The following ELAPOR2 variants were observed in gnomAD, a reference collection of about 807,000 sequenced individuals.
ELAPOR2 encodes the protein endosome/lysosome-associated apoptosis and autophagy regulator family member 2.
In ELAPOR2, 89 loss-of-function variants were observed where a neutral mutation model predicts 120.7. That is an observed-to-expected ratio of 0.74 (90% CI 0.62 to 0.88). ELAPOR2 has a LOEUF of 0.88. Among genes scored for constraint, ELAPOR2 ranks in the 40% least tolerant of loss-of-function variants. ELAPOR2 has a pLI of 0.00. For synonymous variants in ELAPOR2, 444 were observed against 444.9 expected (o/e 1.00, Z 0.03); for missense variants, 1,134 against 1,251.6 (o/e 0.91, Z 1.42).
chr7:87,038,251 T>C (rs1794649878), intron 1 of ELAPOR2, among the ~76,000 whole-genome samples: 1 of 152,212 alleles, frequency 6.6e-6, no homozygotes, highest in Non-Finnish European at 1.5e-5. Context: ...GTACCAAACA[T>C]TCTTTTTGGA....
intron 21 of ELAPOR2, among the ~76,000 whole-genome samples, chr7:86,884,302 C>T (rs1323414854): frequency 6.6e-6 from 1 of 152,118 alleles, no homozygotes; most frequent in Non-Finnish European, 1.5e-5. Context: ...CAACAGTGCC[C>T]TGGATGCTTT....
chr7:87,028,139 C>T (rs1794304516), intron 1 of ELAPOR2, among the ~76,000 whole-genome samples: 1 of 152,148 alleles, frequency 6.6e-6, no homozygotes, highest in African/African-American at 2.4e-5. Context: ...CACTTTTCAT[C>T]CCTGACTAGC....
At chr7:86,969,584 A>T (rs949703322) in intron 1 of ELAPOR2, among the ~76,000 whole-genome samples, 2 of 152,128 alleles carry the variant, frequency 1.3e-5, no homozygotes, top group African/African-American at 4.8e-5. Flanking sequence ...TAGTCCCTGT[A>T]CTCAATAAGC....
At chr7:86,947,983 T>C (rs1584384308) in intron 2 of ELAPOR2, 61 bp from the exon 3 acceptor site, 1 of 1,125,842 alleles carries the variant, frequency 8.9e-7, no homozygotes, top group Non-Finnish European at 1.3e-6. Flanking sequence ...CTCCCCTTCA[T>C]GCTGTCACCA....
rs542466305 is a variant in ELAPOR2, at chr7:87,037,566, T to C, written c.189+21759A>G. On this transcript the variant is annotated intron_variant, in intron 1 of 21. Coordinates refer to ENST00000450689, the MANE Select transcript of ELAPOR2 (RefSeq NM_001142749.3). ...CATGTGTTTAGTTCTGTTAGTTATT[T>C]TCTCCCCGTGAGAGAGGCAAGAGTC... Among the ~76,000 whole-genome samples the C allele has an allele frequency of 1.6e-4, 25 of 152,338 alleles. No individual in the cohort carries two copies. In the South Asian group the frequency reaches 2.9e-3, roughly 18 times the overall value.
At chr7:87,049,528 A>G (rs1214913910) in intron 1 of ELAPOR2, among the ~76,000 whole-genome samples, 2 of 152,050 alleles carry the variant, frequency 1.3e-5, no homozygotes, top group Admixed American at 1.3e-4. Flanking sequence ...GTGATCCGCC[A>G]GCCTCGGCCT....
In ELAPOR2 at chr7:86,912,883, T is replaced by C. The variant is rs1584341409; in HGVS notation, c.1995+58A>G. Reference sequence around the variant, plus strand: ...CCAGAGAAACATTAAGGAGAACGCTTGAATTTCTCTATTAAAATGTGCTTT... The same window carrying C: ...CCAGAGAAACATTAAGGAGAACGCTCGAATTTCTCTATTAAAATGTGCTTT... On this transcript the variant is annotated intron_variant, in intron 14 of 21. Transcript: ENST00000450689. 13 of 1,575,980 alleles carry C rather than the reference T, an allele frequency of 8.2e-6. No individual in the cohort carries two copies. In the East Asian group the frequency reaches 2.9e-4, roughly 36 times the overall value.
At chr7:86,888,351 T>A (rs570883167) in intron 21 of ELAPOR2, among the ~76,000 whole-genome samples, 93 of 152,146 alleles carry the variant, frequency 6.1e-4, no homozygotes, top group African/African-American at 2.2e-3. Flanking sequence ...AACAACACAG[T>A]CTGATAATGG....
At chr7:86,957,871 ATTTAT>A (rs1003050935) in intron 2 of ELAPOR2, among the ~76,000 whole-genome samples, 2 of 152,164 alleles carry the variant, frequency 1.3e-5, no homozygotes, top group African/African-American at 4.8e-5. Context: ...TCTCTAAAAA[ATTTAT>A]TTTATTTTTA....
chr7:86,989,779 G>C (rs974296282), intron 1 of ELAPOR2, among the ~76,000 whole-genome samples: 5 of 151,670 alleles, frequency 3.3e-5, no homozygotes, highest in South Asian at 2.1e-4. Flanking sequence ...ATATAATAAA[G>C]ATACAAATTT....
chr7:86,942,226 T>G (rs1037008685), intron 4 of ELAPOR2, 122 bp from the exon 5 acceptor site: 30 of 543,182 alleles, frequency 5.5e-5, no homozygotes, highest in Non-Finnish European at 8.8e-5. Context: ...CCATGAGTAA[T>G]TCTCAATAAG....
At chr7:87,052,529 T>G (rs1795140445) in intron 1 of ELAPOR2, among the ~76,000 whole-genome samples, 1 of 152,224 alleles carries the variant, frequency 6.6e-6, no homozygotes, top group African/African-American at 2.4e-5. Flanking sequence ...TGGTTCTTGC[T>G]GGGCTTCAAT....
At chr7:87,039,319 C>G (rs147021329) in intron 1 of ELAPOR2, among the ~76,000 whole-genome samples, 107 of 152,214 alleles carry the variant, frequency 7.0e-4, no homozygotes, top group African/African-American at 2.5e-3. Flanking sequence ...CTGCTGAATC[C>G]TACCAAACAT....
rs2115667715 is a variant in ELAPOR2, at chr7:86,876,989, A to C, written c.*3482T>G. 6.6e-6 allele frequency: 1 copy of C among 152,306 alleles called. No individual in the cohort carries two copies. The highest frequency in any genetic ancestry group is 2.4e-5 in the African/African-American group (1 of 41,574). 9.4% of individuals were successfully genotyped at this position (152,306 alleles called of 1,614,324 possible). ...TTGTATGTGGTTGCTTTCATACTAC[A>C]ATGGCAGAGTTGAGTAAATGCAATA... is the stretch of plus-strand genomic sequence containing the variant. On this transcript the variant is annotated 3_prime_UTR_variant, in exon 22 of 22. Coordinates refer to ENST00000450689, the MANE Select transcript of ELAPOR2 (RefSeq NM_001142749.3).
chr7:87,044,432 G>C (rs1324627227), intron 1 of ELAPOR2, among the ~76,000 whole-genome samples: 2 of 109,058 alleles, frequency 1.8e-5, no homozygotes, highest in Non-Finnish European at 3.6e-5. Context: ...GAACAGAACA[G>C]AGCCCTCAGA....
intron 2 of ELAPOR2, among the ~76,000 whole-genome samples, chr7:86,952,670 T>G (rs1344526680): frequency 6.6e-6 from 1 of 152,240 alleles, no homozygotes; most frequent in African/African-American, 2.4e-5. Flanking sequence ...ATAAGTCTAA[T>G]GACTTTGCCT....
intron 18 of ELAPOR2, among the ~76,000 whole-genome samples, chr7:86,905,174 A>AAGAGAGAAAGAGAGAGAGAGAGAG (rs1584329961): frequency 6.8e-6 from 1 of 147,208 alleles, no homozygotes; most frequent in African/African-American, 2.6e-5. Flanking sequence ...GAAAGAAAGA[A>AAGAGAGAAAGAGAGAGAGAGAGAG]AGAGAGAAAG....
At chr7:86,893,244 G>A in intron 19 of ELAPOR2, 144 bp from the exon 20 acceptor site, 3 of 560,796 alleles carry the variant, frequency 5.3e-6, no homozygotes, top group Non-Finnish European at 9.0e-6. Context: ...TAGGCATAGA[G>A]GATTATTCAG....
chr7:86,886,629 T>A (rs1378753398), intron 21 of ELAPOR2, among the ~76,000 whole-genome samples: 1 of 152,112 alleles, frequency 6.6e-6, no homozygotes, highest in African/African-American at 2.4e-5. Flanking sequence ...TAGTCCCATT[T>A]ATGGTCGCTC....
Sources: gnomAD v4.1 joint callset for allele counts (sites outside exome capture counted in the v4.1 genomes callset) on GRCh38, gnomAD v4.1.1 for gene constraint, MANE v1.5 for transcripts, NCBI Gene and HGNC (gene_info 2026-07-23, HGNC 2026-07-21) for gene names.